Variants in HMCN2 observed in about 807,000 individuals in gnomAD.
The protein encoded by HMCN2 is hemicentin 2, also known as hemicentin-2.
Under a neutral mutation model 377.5 loss-of-function variants are expected in HMCN2, and 325 were observed. That is an observed-to-expected ratio of 0.86 (90% CI 0.79 to 0.94). The LOEUF is 0.94. Ranked by LOEUF, HMCN2 falls within the 40% of genes least tolerant of loss-of-function variation. The pLI, the probability that HMCN2 is intolerant of heterozygous loss-of-function variation, is 0.00. For missense variants in HMCN2, 4,543 were observed against 4,725.3 expected, an observed-to-expected ratio of 0.96 and a Z score of 1.13; for synonymous variants, 2,007 against 2,046.8, an observed-to-expected ratio of 0.98 and a Z score of 0.53.
intron 85 of HMCN2, among the ~76,000 whole-genome samples, chr9:130,415,086 T>C (rs1241018348): frequency 6.6e-6 from 1 of 152,334 alleles, no homozygotes; most frequent in Non-Finnish European, 1.5e-5. Context: ...GCACCCTCCC[T>C]GTTCCCGGGT....
rs1269087892 is a variant in HMCN2, at chr9:130,349,615, G to A, written c.4382G>A (p.Trp1461Ter). Residue 1461 changes from tryptophan to a stop codon, truncating the protein, a stop_gained, in exon 29 of 98, where the codon TGG (tryptophan) becomes TAG (stop). Transcript: ENST00000683500. LOFTEE classifies it high-confidence loss of function. The stretch of plus-strand genomic sequence containing the variant: ...GGTGCAGACGTGGAGCTGCAGTGTT[G>A]GACCTCAGGGGTCCCCACGCCCCAG... The part of the protein sequence containing the change: ...LAGADVELQC[W>*]TSGVPTPQVE... 2 of 1,304,124 alleles carry A rather than the reference G, an allele frequency of 1.5e-6. No individual in the cohort carries two copies. The highest frequency in any genetic ancestry group is 5.6e-5 in the East Asian group (1 of 18,012). The allele number at this position is 1,304,124 out of a possible 1,614,324, so 80.8% of individuals were successfully genotyped here.
At chr9:130,359,516 G>A (rs886577466) in intron 37 of HMCN2, 102 bp downstream of exon 37, 3 of 451,454 alleles carry the variant, frequency 6.6e-6, no homozygotes, top group African/African-American at 4.1e-5. Context: ...ATAATGGGGA[G>A]AAATCATCAG....
intron 24 of HMCN2, among the ~76,000 whole-genome samples, chr9:130,341,849 A>C (rs2131478827): frequency 6.6e-6 from 1 of 152,086 alleles, no homozygotes; most frequent in South Asian, 2.1e-4. Context: ...GTTCTGGATC[A>C]GTGGTGCTAG....
Position 130,351,500 on chromosome 9 carries a change from G to C in HMCN2, c.4508G>C (p.Gly1503Ala), listed in dbSNP as rs961389706. The C allele has an allele frequency of 6.9e-6, 9 of 1,304,194 alleles. No homozygotes were observed. Among genetic ancestry groups the C allele is most frequent in the Non-Finnish European group, 9.1e-6 (9 of 988,960 alleles). 80.8% of individuals were successfully genotyped at this position (1,304,194 alleles called of 1,614,324 possible). A position where few individuals can be genotyped will look rare whatever the true frequency, so the allele number is the denominator to read the frequency against. The change falls in exon 30 of 98, where the codon GGG (glycine) becomes GCG (alanine). Residue 1503 changes from glycine (G) to alanine (A), a missense_variant. Physicochemically the swap from Gly to Ala is moderately conservative, Grantham distance 60. Transcript: ENST00000683500. This position sits in a 1 kb window ranked among gnomAD's most constrained non-coding sequence, Gnocchi z 5.4. ...QVLRITGSHV[G>A]DEGRYQCVAF... ...CTCAGGATCACCGGCAGTCACGTGG[G>C]GGATGAGGGACGATACCAGTGCGTG...
At chr9:130,340,047 C>T (rs1442201520) in intron 23 of HMCN2, among the ~76,000 whole-genome samples, 1 of 152,208 alleles carries the variant, frequency 6.6e-6, no homozygotes, top group Non-Finnish European at 1.5e-5. Context: ...GGGAGGGGGG[C>T]GACTCTGGCC....
In HMCN2 at chr9:130,395,339, G is replaced by T. The variant is rs898364144; in HGVS notation, c.10903G>T (p.Val3635Leu). 1.7e-5 allele frequency: 22 copies of T among 1,287,914 alleles called. No homozygotes were observed. The African/African-American group carries it at 3.3e-4, about 20-fold the overall frequency. 79.8% of individuals were successfully genotyped at this position (1,287,914 alleles called of 1,614,324 possible). Reference sequence around the variant, plus strand: ...GATCACGTGGCACCGAGACGGCATTGTGCTGCAGGTGGGCGCCAGGCAGGG... The same window carrying T: ...GATCACGTGGCACCGAGACGGCATTTTGCTGCAGGTGGGCGCCAGGCAGGG... ...PKITWHRDGI[V>L]LQEDAHTQFP... is the part of the protein sequence containing the mutation. The change falls in exon 71 of 98, where the codon GTG (valine) becomes TTG (leucine). Residue 3635 changes from valine (V) to leucine (L), a missense_variant. Transcript: ENST00000683500.
Position 130,358,530 on chromosome 9 carries a change from G to C in HMCN2, c.5677+44G>C, listed in dbSNP as rs561209272. 28 of 1,304,108 alleles carry C rather than the reference G, an allele frequency of 2.1e-5. No homozygotes were observed. The African/African-American group carries it at 3.5e-4, about 16-fold the overall frequency. 80.8% of individuals were successfully genotyped at this position (1,304,108 alleles called of 1,614,324 possible). A position where few individuals can be genotyped will look rare whatever the true frequency, so the allele number is the denominator to read the frequency against. On this transcript the variant is annotated intron_variant, in intron 36 of 97. Transcript: ENST00000683500. ...AGCAGGGCCCAGGCCAGCATGTTGGGTGATCCCTTGGGGACCCTTGGGGCT... is the reference window on the plus strand; with the variant it reads ...AGCAGGGCCCAGGCCAGCATGTTGGCTGATCCCTTGGGGACCCTTGGGGCT...
Position 130,386,482 on chromosome 9 carries a change from G to C in HMCN2, c.9349G>C (p.Val3117Leu). 2 of 1,303,894 alleles carry C rather than the reference G, an allele frequency of 1.5e-6. No homozygotes were observed. The highest frequency in any genetic ancestry group is 2.0e-6 in the Non-Finnish European group (2 of 988,888). The allele number at this position is 1,303,894 out of a possible 1,614,324, so 80.8% of individuals were successfully genotyped here. A position where few individuals can be genotyped will look rare whatever the true frequency, so the allele number is the denominator to read the frequency against. Residue 3117 changes from valine (V) to leucine (L), a missense_variant, in exon 61 of 98, where the codon GTG becomes CTG. By Grantham distance (32) the Val-to-Leu change is conservative. This residue lies in a region of HMCN2 where 736 missense variants were observed against 773.2 expected (regional missense o/e 0.95). Transcript: ENST00000683500. The stretch of plus-strand genomic sequence containing the variant: ...TTTATACAGCTGTAAAGTCAGCAAC[G>C]TGGCTGGGGAGGCCGTGCGGACCTT... ...KGLYSCKVSN[V>L]AGEAVRTFTL... is the part of the protein sequence containing the mutation.
chr9:130,354,674 T>C, intron 31 of HMCN2, 89 bp from the exon 32 acceptor site: 1 of 1,118,094 alleles, frequency 8.9e-7, no homozygotes, highest in Non-Finnish European at 1.2e-6. Context: ...GTGGGGTCGG[T>C]GAGGGGCTTC....
chr9:130,424,822 G>C lies in HMCN2; in HGVS notation c.13428G>C (p.Trp4476Cys). The C allele has an allele frequency of 6.5e-7, 1 of 1,526,930 alleles. No homozygotes were observed. The highest frequency in any genetic ancestry group is 8.8e-7 in the Non-Finnish European group (1 of 1,133,944). 94.6% of individuals were successfully genotyped at this position (1,526,930 alleles called of 1,614,324 possible). A position where few individuals can be genotyped will look rare whatever the true frequency, so the allele number is the denominator to read the frequency against. The change falls in exon 88 of 98, where the codon TGG becomes TGC. Residue 4476 changes from tryptophan (W) to cysteine (C), a missense_variant. This residue lies in a region of HMCN2 where 1,155 missense variants were observed against 1,157.7 expected (regional missense o/e 1.00). Transcript: ENST00000683500. ...VLVVTIAPIY[W>C]ALARESGEAL... Reference sequence around the variant, plus strand: ...TGGTCACCATCGCCCCCATCTACTGGGCCCTGGCCAGAGAGAGTGGGGAAG... The same window carrying C: ...TGGTCACCATCGCCCCCATCTACTGCGCCCTGGCCAGAGAGAGTGGGGAAG...
At chr9:130,391,692 C>CCATG (rs1320360548) in intron 65 of HMCN2, 118 bp downstream of exon 65, 113 of 879,534 alleles carry the variant, frequency 1.3e-4, no homozygotes, top group Non-Finnish European at 1.5e-4. Context: ...CCCTGGGCCT[C>CCATG]CATGGCCCAT....
intron 25 of HMCN2, among the ~76,000 whole-genome samples, chr9:130,342,797 G>A (rs1245167353): frequency 1.3e-5 from 2 of 152,142 alleles, no homozygotes; most frequent in Admixed American, 6.5e-5. Context: ...TTGGGGCTTC[G>A]TGGTCAGCCC....
chr9:130,340,541 A>C, intron 23 of HMCN2, among the ~76,000 whole-genome samples: 1 of 142,278 alleles, frequency 7.0e-6, no homozygotes, highest in Non-Finnish European at 1.5e-5. Flanking sequence ...TTTTTCTTAG[A>C]CGGAGCCTCC....
At chr9:130,364,033 G>A (rs919614400) in intron 40 of HMCN2, among the ~76,000 whole-genome samples, 8 of 152,204 alleles carry the variant, frequency 5.3e-5, no homozygotes, top group African/African-American at 1.4e-4. Flanking sequence ...ACGAATGAAC[G>A]TAGTCTTGGG....
intron 90 of HMCN2, 141 bp from the exon 91 acceptor site, chr9:130,427,172 G>A: frequency 1.2e-6 from 1 of 834,530 alleles, no homozygotes; most frequent in Non-Finnish European, 1.9e-6. Context: ...GGCAGGAAAT[G>A]GGCTTGCTGA....
chr9:130,345,417 G>C (rs970237736), intron 25 of HMCN2, among the ~76,000 whole-genome samples: 161 of 149,718 alleles, frequency 1.1e-3, no homozygotes, highest in African/African-American at 3.4e-3. Flanking sequence ...GTGTATGTTG[G>C]TGTGTGGTGT....
chr9:130,368,642 T>C (rs562921615), intron 44 of HMCN2, among the ~76,000 whole-genome samples: 1 of 152,180 alleles, frequency 6.6e-6, no homozygotes, highest in South Asian at 2.1e-4. Flanking sequence ...AGAGGCTTAA[T>C]TGACTCACAG....
Position 130,310,058 on chromosome 9 carries a change from G to A in HMCN2, c.2347G>A (p.Gly783Arg), listed in dbSNP as rs565794888. 1.3e-5 allele frequency: 7 copies of A among 531,536 alleles called. No individual in the cohort carries two copies. Among genetic ancestry groups the A allele is most frequent in the Admixed American group, 1.2e-4 (6 of 51,270 alleles). 32.9% of individuals were successfully genotyped at this position (531,536 alleles called of 1,614,324 possible). A position where few individuals can be genotyped will look rare whatever the true frequency, so the allele number is the denominator to read the frequency against. Residue 783 changes from glycine to arginine, a missense_variant, in exon 15 of 98, where the codon GGA becomes AGA. Around this residue, in one of 5 missense-constraint regions of HMCN2, gnomAD observed 547 missense variants for 189.9 expected, o/e 2.88. Transcript: ENST00000683500. Reference sequence around the variant, plus strand: ...CTCTGCAGAAATCCAGCTGGCGGTTGGACGTGAGTGTATACCTTGTCTCCC... The same window carrying A: ...CTCTGCAGAAATCCAGCTGGCGGTTAGACGTGAGTGTATACCTTGTCTCCC... ...DASAEIQLAV[G>R]HAPQLTELPR...
rs1564884254 is a variant in HMCN2 at position 130,425,813 on chromosome 9, CG to C, written c.13772del (p.Gly4591AlafsTer117). 2 of 1,550,544 alleles carry C rather than the reference CG, an allele frequency of 1.3e-6. No homozygotes were observed. Among genetic ancestry groups the C allele is most frequent in the East Asian group, 4.9e-5 (2 of 40,892 alleles). On this transcript the variant is annotated frameshift_variant, in exon 90 of 98. Transcript: ENST00000683500. LOFTEE classifies it high-confidence loss of function. ...CCACAGCATCCAGTACAACGCGGCC[CG>C]GGGCCCCCAGCCCCAGCTGGTGCAG... ...CNHSIQYNAARGPQPQLVQHL... is the reference protein window; with the variant it reads ...CNHSIQYNAAXGPQPQLVQHL...
Sources: gnomAD v4.1 joint callset for allele counts (sites outside exome capture counted in the v4.1 genomes callset) on GRCh38, gnomAD v4.1.1 for gene constraint, gnomAD v4.1.1 regional missense constraint, Gnocchi (gnomAD v3.1) non-coding constraint, MANE v1.5 for transcripts, NCBI Gene and HGNC (gene_info 2026-07-23, HGNC 2026-07-21) for gene names.